ROBO2: variants seen among roughly 807,000 people sequenced by gnomAD.
ROBO2 encodes the protein roundabout guidance receptor 2, also known as roundabout homolog 2.
ROBO2 carries 53 observed loss-of-function variants against 160.8 expected under a neutral mutation model. The observed-to-expected ratio is 0.33, with a 90% CI of 0.26 to 0.41. ROBO2 has a LOEUF of 0.41. ROBO2 is among the 10% of genes least tolerant of loss of function. The pLI, the probability that ROBO2 is intolerant of heterozygous loss-of-function variation, is 1.00. For missense variants in ROBO2, 1,577 were observed against 1,722.4 expected, an observed-to-expected ratio of 0.92 and a Z score of 1.49; for synonymous variants, 664 against 611.7, an observed-to-expected ratio of 1.09 and a Z score of -1.26.
chr3:76,033,992 C>G (rs1384639956), intron 2 of ROBO2, among the ~76,000 whole-genome samples: 1 of 152,182 alleles, frequency 6.6e-6, no homozygotes, highest in Non-Finnish European at 1.5e-5. Context: ...CGTGACATTT[C>G]ATTGATCAAA....
chr3:75,935,364 T>G (rs1486745201), intron 1 of ROBO2, among the ~76,000 whole-genome samples: 1 of 151,932 alleles, frequency 6.6e-6, no homozygotes, highest in African/African-American at 2.4e-5. Flanking sequence ...ATAAAAAAAT[T>G]AGCCGGGGAT....
chr3:75,977,791 T>A (rs1379551013), intron 2 of ROBO2, among the ~76,000 whole-genome samples: 1 of 151,538 alleles, frequency 6.6e-6, no homozygotes, highest in Admixed American at 6.6e-5. Context: ...CATTATTTTC[T>A]GCTATTGATT....
chr3:76,725,030 CCTGCTGACAACTTGATGTCAG>C (rs1188951986), intron 2 of ROBO2, among the ~76,000 whole-genome samples: 1 of 152,126 alleles, frequency 6.6e-6, no homozygotes, highest in Non-Finnish European at 1.5e-5. Context: ...GGAACATATC[CCTGCTGACAACTTGATGTCAG>C]CTCAGTAATA....
intron 2 of ROBO2, among the ~76,000 whole-genome samples, chr3:76,879,223 G>A (rs1019960424): frequency 3.3e-5 from 5 of 152,050 alleles, no homozygotes; most frequent in African/African-American, 1.2e-4. Flanking sequence ...GTGAAGGGGA[G>A]AAGAGAAAAA....
chr3:77,420,495 G>T (rs1424608280), intron 2 of ROBO2, among the ~76,000 whole-genome samples: 1 of 152,072 alleles, frequency 6.6e-6, no homozygotes, highest in Non-Finnish European at 1.5e-5. Context: ...CATCCTTCTG[G>T]GAGTGGTTGC....
chr3:77,401,315 T>C (rs1447892663), intron 2 of ROBO2, among the ~76,000 whole-genome samples: 1 of 151,688 alleles, frequency 6.6e-6, no homozygotes, highest in Non-Finnish European at 1.5e-5. Context: ...GGCAAGAGGA[T>C]TTTGTTTATC....
chr3:76,688,035 T>A (rs1438295872), intron 2 of ROBO2, among the ~76,000 whole-genome samples: 1 of 151,822 alleles, frequency 6.6e-6, no homozygotes, highest in Non-Finnish European at 1.5e-5. Context: ...TTTTTCTCCT[T>A]ATTAGCTTTT....
intron 2 of ROBO2, among the ~76,000 whole-genome samples, chr3:76,377,064 C>T (rs1031867579): frequency 2.0e-5 from 3 of 152,028 alleles, no homozygotes; most frequent in South Asian, 2.1e-4. Flanking sequence ...AAAGTAGGCC[C>T]GGGTTGGGCT....
intron 2 of ROBO2, among the ~76,000 whole-genome samples, chr3:76,808,380 C>T (rs2064902656): frequency 6.6e-6 from 1 of 152,058 alleles, no homozygotes; most frequent in African/African-American, 2.4e-5. Flanking sequence ...TGAGTTTATT[C>T]AGCAAGTATT....
chr3:76,047,931 A>T (rs2067504664), intron 2 of ROBO2, among the ~76,000 whole-genome samples: 1 of 152,230 alleles, frequency 6.6e-6, no homozygotes. Context: ...GAGAAATTAT[A>T]TTCTTAATGA....
chr3:77,053,878 G>T (rs2065457386), intron 1 of ROBO2, among the ~76,000 whole-genome samples: 1 of 152,132 alleles, frequency 6.6e-6, no homozygotes, highest in African/African-American at 2.4e-5. Context: ...ACAGGAGTTG[G>T]CGCAAGGAGA....
At chr3:77,351,456 A>G (rs1225369749) in intron 2 of ROBO2, among the ~76,000 whole-genome samples, 1 of 152,162 alleles carries the variant, frequency 6.6e-6, no homozygotes. Flanking sequence ...AGGTGAAGAT[A>G]TTGATCATGA....
At chr3:77,386,083 GCTTAACAGTACATCCA>G (rs2074068798) in intron 2 of ROBO2, among the ~76,000 whole-genome samples, 1 of 152,150 alleles carries the variant, frequency 6.6e-6, no homozygotes, top group South Asian at 2.1e-4. Flanking sequence ...CAGGTAATAT[GCTTAACAGTACATCCA>G]CTGCGTACTG....
At chr3:77,597,964 G>C (rs1041936741) in intron 19 of ROBO2, among the ~76,000 whole-genome samples, 12 of 152,202 alleles carry the variant, frequency 7.9e-5, no homozygotes, top group African/African-American at 2.9e-4. Flanking sequence ...TGGGATCCAA[G>C]TACTCCAAGT....
At chr3:77,277,165 T>TTTCTTTCTTTCTTTC (rs1560407956) in intron 2 of ROBO2, among the ~76,000 whole-genome samples, 96 of 64,152 alleles carry the variant, frequency 1.5e-3, no homozygotes, top group African/African-American at 4.5e-3. Flanking sequence ...TCCTTCTTTC[T>TTTCTTTCTTTCTTTC]TTCTTTCTTT....
chr3:76,518,398 A>T (rs2081441951), intron 2 of ROBO2, among the ~76,000 whole-genome samples: 1 of 152,124 alleles, frequency 6.6e-6, no homozygotes, highest in Admixed American at 6.5e-5. Context: ...AAATAATCAC[A>T]TCATGATTCC....
intron 2 of ROBO2, among the ~76,000 whole-genome samples, chr3:76,479,451 G>A (rs909219158): frequency 3.9e-5 from 6 of 152,136 alleles, no homozygotes; most frequent in Admixed American, 1.3e-4. Context: ...GTGACAGAAT[G>A]TAAATGGACT....
chr3:76,573,541 C>G lies in ROBO2; in HGVS notation c.110-524473C>G, dbSNP rs576342052. 3.7e-5 allele frequency among the ~76,000 whole-genome samples: 5 copies of G among 136,714 alleles called. No homozygotes were observed. The South Asian group carries it at 1.1e-3, about 31-fold the overall frequency. The allele number at this position is 136,714 out of a possible 152,430, so 89.7% of individuals were successfully genotyped here. A position where few individuals can be genotyped will look rare whatever the true frequency, so the allele number is the denominator to read the frequency against. On this transcript the variant is annotated intron_variant, in intron 2 of 26. Transcript: ENST00000487694. Reference sequence around the variant, plus strand: ...GTTTTCAATTTTTTTTTTTTTTTTGCTTATAGGATGTTAACCAATCTTATA... The same window carrying G: ...GTTTTCAATTTTTTTTTTTTTTTTGGTTATAGGATGTTAACCAATCTTATA...
chr3:77,127,248 C>T (rs1270710007), intron 2 of ROBO2, among the ~76,000 whole-genome samples: 1 of 152,090 alleles, frequency 6.6e-6, no homozygotes, highest in Non-Finnish European at 1.5e-5. Flanking sequence ...CAGTCCGGTG[C>T]TATGCTTGGC....
Sources: allele counts gnomAD v4.1 joint callset (sites outside exome capture counted in the v4.1 genomes callset), GRCh38; gene constraint gnomAD v4.1.1; transcripts MANE v1.5; gene names NCBI Gene and HGNC (gene_info 2026-07-23, HGNC 2026-07-21).